The following TEX48 variants were observed in gnomAD, a reference collection of about 807,000 sequenced individuals.
TEX48 encodes testis expressed 48, also known as testis-expressed protein 48.
Under a neutral mutation model 13.2 loss-of-function variants are expected in TEX48, and 10 were observed. The ratio of observed to expected loss-of-function variants is 0.75; its 90% confidence interval spans 0.47 to 1.28. TEX48 has a LOEUF of 1.28. Ranked by LOEUF, TEX48 falls within the 50% of genes most tolerant of loss-of-function variation. The pLI, the probability that TEX48 is intolerant of heterozygous loss-of-function variation, is 0.00. For synonymous variants in TEX48, 45 were observed against 52.3 expected (o/e 0.86, Z 0.60); for missense variants, 116 against 139.4 (o/e 0.83, Z 0.84).
At chr9:114,666,770 A>T in intron 4 of TEX48, 24 bp from the exon 5 acceptor site, 1 of 1,282,466 alleles carries the variant, frequency 7.8e-7, no homozygotes, top group Non-Finnish European at 1.1e-6. Context: ...GGAAAAAATT[A>T]TGCTGGGTGA....
At chr9:114,678,397 G>A (rs1053816165) in intron 1 of TEX48, among the ~76,000 whole-genome samples, 1 of 152,268 alleles carries the variant, frequency 6.6e-6, no homozygotes, top group African/African-American at 2.4e-5. Context: ...AAGAGAGGCC[G>A]AATTTAAACT....
At chr9:114,668,010 T>C (rs951413047) in intron 4 of TEX48, among the ~76,000 whole-genome samples, 196 bp downstream of exon 4, 3 of 152,014 alleles carry the variant, frequency 2.0e-5, no homozygotes, top group African/African-American at 7.2e-5. Flanking sequence ...ACTTCCTAGC[T>C]TGGAAGATAG....
intron 1 of TEX48, among the ~76,000 whole-genome samples, chr9:114,678,383 G>A (rs1420422186): frequency 1.3e-5 from 2 of 152,146 alleles, no homozygotes; most frequent in African/African-American, 4.8e-5. Context: ...ACTGAAGGTA[G>A]ATCAAGAGAG....
At chr9:114,668,125 A>G (rs1589375158) in intron 4 of TEX48, 81 bp downstream of exon 4, 4 of 1,501,486 alleles carry the variant, frequency 2.7e-6, no homozygotes. Flanking sequence ...TAGCTGAAGT[A>G]TCAATGGGGT....
chr9:114,671,874 G>C (rs1827956011), intron 1 of TEX48, 47 bp from the exon 2 acceptor site: 1 of 793,636 alleles, frequency 1.3e-6, no homozygotes, highest in African/African-American at 1.7e-5. Flanking sequence ...TCCTTCACCT[G>C]TGTTCACACT....
At chr9:114,666,986 C>T (rs1434985340) in intron 4 of TEX48, among the ~76,000 whole-genome samples, 1 of 152,152 alleles carries the variant, frequency 6.6e-6, no homozygotes, top group East Asian at 1.9e-4. Context: ...TTGCAAAGCA[C>T]AGTGATATGG....
rs936704773 is a variant in TEX48 at position 114,679,454 on chromosome 9, A to G, written c.-105+2581T>C. On this transcript the variant is annotated intron_variant, in intron 1 of 4. Coordinates refer to ENST00000436752, the MANE Select transcript of TEX48 (RefSeq NM_001199233.2). ...GAAGGACAGCTGTCCATATCTGTCTACTGAGTCTTTCTGAGGAGAACTTTG... is the reference window on the plus strand; with the variant it reads ...GAAGGACAGCTGTCCATATCTGTCTGCTGAGTCTTTCTGAGGAGAACTTTG... Among the ~76,000 whole-genome samples, 67 of 152,076 alleles carry G rather than the reference A, an allele frequency of 4.4e-4. 1 individual carries two copies. The highest frequency in any genetic ancestry group is 1.6e-3 in the African/African-American group (67 of 41,392).
At chr9:114,678,555 T>C (rs1268872577) in intron 1 of TEX48, among the ~76,000 whole-genome samples, 2 of 152,158 alleles carry the variant, frequency 1.3e-5, no homozygotes, top group African/African-American at 4.8e-5. Flanking sequence ...GTTCATTTCG[T>C]TGTTGACCTT....
intron 1 of TEX48, among the ~76,000 whole-genome samples, chr9:114,681,523 C>T (rs1564319237): frequency 1.3e-5 from 2 of 152,124 alleles, no homozygotes; most frequent in Non-Finnish European, 1.5e-5. Flanking sequence ...ATAGTATCTA[C>T]AATAGAAGGT....
At chr9:114,671,533 TG>T in intron 2 of TEX48, 28 bp from the exon 3 acceptor site, 1 of 1,382,656 alleles carries the variant, frequency 7.2e-7, no homozygotes, top group Non-Finnish European at 9.8e-7. Context: ...ATGAGGGGCA[TG>T]GGTTCCGGAA....
At chr9:114,669,815 A>G (rs1827913414) in intron 3 of TEX48, among the ~76,000 whole-genome samples, 1 of 152,168 alleles carries the variant, frequency 6.6e-6, no homozygotes, top group South Asian at 2.1e-4. Flanking sequence ...CCTGGGCTCA[A>G]GTTATCCTCC....
At chr9:114,680,285 G>C (rs1412778863) in intron 1 of TEX48, among the ~76,000 whole-genome samples, 2 of 151,854 alleles carry the variant, frequency 1.3e-5, no homozygotes, top group Admixed American at 1.3e-4. Flanking sequence ...GCACCACCAC[G>C]CATGGCTAAT....
At chr9:114,674,666 C>CTTCT (rs1230340752) in intron 1 of TEX48, among the ~76,000 whole-genome samples, 5,301 of 36,730 alleles carry the variant, frequency 0.14, 682 homozygotes, top group Admixed American at 0.22. Context: ...TCCTTCCTTC[C>CTTCT]TTCTTTCCTT....
Position 114,671,862 on chromosome 9 carries a change from A to G in TEX48, c.-104-35T>C. ...CATAAGACCGTGGCTGAAAAATGCT[A>G]GTCCTTCACCTGTGTTCACACTCCA... On this transcript the variant is annotated intron_variant, in intron 1 of 4. Coordinates refer to ENST00000436752, the MANE Select transcript of TEX48 (RefSeq NM_001199233.2). 5.4e-6 allele frequency: 5 copies of G among 925,078 alleles called. No individual in the cohort carries two copies. The South Asian group carries it at 7.2e-5, about 13-fold the overall frequency. 57.3% of individuals were successfully genotyped at this position (925,078 alleles called of 1,614,324 possible).
chr9:114,675,943 G>A (rs1399372674), intron 1 of TEX48, among the ~76,000 whole-genome samples: 1 of 152,182 alleles, frequency 6.6e-6, no homozygotes, highest in Non-Finnish European at 1.5e-5. Flanking sequence ...CAGCTCAGGG[G>A]CTACAGGAAG....
At chr9:114,670,247 G>A (rs1827920527) in intron 3 of TEX48, among the ~76,000 whole-genome samples, 1 of 152,152 alleles carries the variant, frequency 6.6e-6, no homozygotes, top group African/African-American at 2.4e-5. Context: ...ATATTATAGA[G>A]TTTCATTAAT....
At chr9:114,677,971 C>T (rs1055585124) in intron 1 of TEX48, among the ~76,000 whole-genome samples, 1 of 152,076 alleles carries the variant, frequency 6.6e-6, no homozygotes, top group African/African-American at 2.4e-5. Flanking sequence ...TATATACTCT[C>T]ACTATAGGTA....
At chr9:114,671,865 C>T in intron 1 of TEX48, 38 bp from the exon 2 acceptor site, 1 of 892,386 alleles carries the variant, frequency 1.1e-6, no homozygotes, top group African/African-American at 1.6e-5. Flanking sequence ...AAATGCTAGT[C>T]CTTCACCTGT....
intron 3 of TEX48, among the ~76,000 whole-genome samples, chr9:114,669,283 A>C (rs766309582): frequency 2.1e-4 from 32 of 152,034 alleles, no homozygotes; most frequent in African/African-American, 6.8e-4. Flanking sequence ...TTATTTATTT[A>C]TTTATTTATT....
Sources: gnomAD v4.1 joint callset for allele counts (sites outside exome capture counted in the v4.1 genomes callset) on GRCh38, gnomAD v4.1.1 for gene constraint, MANE v1.5 for transcripts, NCBI Gene and HGNC (gene_info 2026-07-23, HGNC 2026-07-21) for gene names.